Variants in PLPPR5 observed in about 807,000 individuals in gnomAD.
The protein encoded by PLPPR5 is phospholipid phosphatase related 5, also known as phospholipid phosphatase-related protein type 5.
In PLPPR5, 16 loss-of-function variants were observed where a neutral mutation model predicts 33.9. The observed-to-expected ratio is 0.47, with a 90% CI of 0.32 to 0.72. PLPPR5 has a LOEUF of 0.72. PLPPR5 is among the 30% of genes least tolerant of loss of function. PLPPR5 has a pLI of 0.03. For missense variants in PLPPR5, 301 were observed against 406.7 expected (o/e 0.74, Z 2.23); for synonymous variants, 163 against 150.3 (o/e 1.08, Z -0.62).
chr1:98,981,769 T>G (rs549422581), intron 1 of PLPPR5, among the ~76,000 whole-genome samples: 3 of 152,210 alleles, frequency 2.0e-5, no homozygotes, highest in African/African-American at 7.2e-5. Context: ...CCATTTCATT[T>G]TGAACCCATA....
chr1:98,962,612 GGTTTATTGAAA>G (rs1409269529), intron 1 of PLPPR5, among the ~76,000 whole-genome samples: 1 of 151,972 alleles, frequency 6.6e-6, no homozygotes, highest in Non-Finnish European at 1.5e-5. Flanking sequence ...CTGTCAGATT[GGTTTATTGAAA>G]GCAAATTTTG....
intron 1 of PLPPR5, among the ~76,000 whole-genome samples, chr1:98,962,551 T>A (rs1242323617): frequency 6.6e-6 from 1 of 152,250 alleles, no homozygotes; most frequent in Non-Finnish European, 1.5e-5. Context: ...CATTAAAGCA[T>A]ACTCAGAACT....
chr1:98,907,255 G>C (rs1228163987), intron 5 of PLPPR5, among the ~76,000 whole-genome samples: 1 of 142,732 alleles, frequency 7.0e-6, no homozygotes, highest in African/African-American at 2.6e-5. Flanking sequence ...AGGCTGGAGT[G>C]CAGTGCCACG....
chr1:98,912,245 T>C (rs571307744), intron 5 of PLPPR5, among the ~76,000 whole-genome samples: 8 of 152,368 alleles, frequency 5.3e-5, no homozygotes, highest in African/African-American at 1.9e-4. Context: ...CTTAACCATT[T>C]GGAAGTTCAG....
intron 5 of PLPPR5, among the ~76,000 whole-genome samples, chr1:98,903,339 C>T (rs1648771953): frequency 6.6e-6 from 1 of 152,062 alleles, no homozygotes; most frequent in Non-Finnish European, 1.5e-5. Flanking sequence ...TTCAGCAGCT[C>T]TGTAAAACAA....
At chr1:98,961,089 T>C (rs574274085) in intron 1 of PLPPR5, among the ~76,000 whole-genome samples, 31 of 152,292 alleles carry the variant, frequency 2.0e-4, no homozygotes, top group African/African-American at 4.8e-4. Context: ...GTCTTCCTTC[T>C]TTCTCCCTCT....
At chr1:98,946,439 C>T (rs1210100597) in intron 3 of PLPPR5, among the ~76,000 whole-genome samples, 2 of 152,176 alleles carry the variant, frequency 1.3e-5, no homozygotes, top group East Asian at 1.9e-4. Flanking sequence ...TTCACCCTTG[C>T]TAATCCTTAA....
intron 5 of PLPPR5, among the ~76,000 whole-genome samples, chr1:98,906,197 AGTGT>A (rs763608892): frequency 1.2e-4 from 18 of 150,904 alleles, no homozygotes; most frequent in Non-Finnish European, 2.7e-4. Flanking sequence ...ATATATATAT[AGTGT>A]GTGTGTATAT....
intron 1 of PLPPR5, among the ~76,000 whole-genome samples, chr1:98,983,250 A>C (rs1652123990): frequency 9.7e-6 from 1 of 103,492 alleles, no homozygotes. Context: ...CCCCCACCCC[A>C]CAACAGTCCC....
At chr1:98,921,406 G>C (rs944857192) in intron 4 of PLPPR5, among the ~76,000 whole-genome samples, 26 of 152,144 alleles carry the variant, frequency 1.7e-4, no homozygotes, top group Non-Finnish European at 3.5e-4. Context: ...GAGTACAGCA[G>C]GGACTCACTA....
chr1:98,980,669 AG>A (rs1458421227), intron 1 of PLPPR5, among the ~76,000 whole-genome samples: 1 of 152,108 alleles, frequency 6.6e-6, no homozygotes, highest in Non-Finnish European at 1.5e-5. Context: ...AGCAATATAT[AG>A]GTGTATATGT....
Position 98,922,061 on chromosome 1 carries a change from G to C in PLPPR5, c.622-3C>G. On this transcript the variant is annotated splice_region_variant and splice_polypyrimidine_tract_variant and intron_variant, in intron 3 of 5. Transcript: ENST00000263177. ...TTGATTGTGTTGGTGATGTACATCT[G>C]AAACATTCAATAAAAAAAATGACTT... 6.4e-7 allele frequency: 1 copy of C among 1,555,408 alleles called. No homozygotes were observed. The highest frequency in any genetic ancestry group is 8.7e-7 in the Non-Finnish European group (1 of 1,154,248).
intron 1 of PLPPR5, among the ~76,000 whole-genome samples, chr1:98,986,112 T>C (rs1184542396): frequency 3.3e-5 from 5 of 151,964 alleles, no homozygotes; most frequent in Non-Finnish European, 1.5e-5. Flanking sequence ...AATCTTAAAG[T>C]CACATTATAT....
intron 5 of PLPPR5, among the ~76,000 whole-genome samples, chr1:98,898,237 A>G (rs889135938): frequency 1.3e-5 from 2 of 152,176 alleles, no homozygotes; most frequent in Non-Finnish European, 2.9e-5. Flanking sequence ...GTAACCAAAT[A>G]TACATATTCC....
At chr1:98,995,186 A>G (rs566439070) in intron 1 of PLPPR5, among the ~76,000 whole-genome samples, 195 of 152,254 alleles carry the variant, frequency 1.3e-3, no homozygotes, top group Non-Finnish European at 2.4e-3. Context: ...TCACTCTATC[A>G]TAAAGACATA....
intron 3 of PLPPR5, among the ~76,000 whole-genome samples, chr1:98,926,156 C>T (rs1302094681): frequency 6.6e-6 from 1 of 152,090 alleles, no homozygotes; most frequent in East Asian, 1.9e-4. Flanking sequence ...CCTCAATTCC[C>T]CTCAGTATGG....
intron 5 of PLPPR5, among the ~76,000 whole-genome samples, chr1:98,901,925 T>C (rs1430875206): frequency 3.9e-5 from 6 of 152,200 alleles, no homozygotes; most frequent in African/African-American, 1.4e-4. Context: ...TTATATGGAT[T>C]ATAACTTTTA....
chr1:98,925,796 C>G (rs2101167833), intron 3 of PLPPR5, among the ~76,000 whole-genome samples: 1 of 152,324 alleles, frequency 6.6e-6, no homozygotes, highest in Non-Finnish European at 1.5e-5. Flanking sequence ...GAAGAATGAG[C>G]ATGAGAGTTC....
chr1:98,970,505 T>G (rs1651619970), intron 1 of PLPPR5, among the ~76,000 whole-genome samples: 1 of 151,768 alleles, frequency 6.6e-6, no homozygotes, highest in African/African-American at 2.4e-5. Context: ...TAATTTCAGT[T>G]TATAATATAT....
Sources: gnomAD v4.1 joint callset for allele counts (sites outside exome capture counted in the v4.1 genomes callset) on GRCh38, gnomAD v4.1.1 for gene constraint, MANE v1.5 for transcripts, NCBI Gene and HGNC (gene_info 2026-07-23, HGNC 2026-07-21) for gene names.